Variants in LUZP2 observed in about 807,000 individuals in gnomAD.
LUZP2 encodes leucine zipper protein 2.
A neutral mutation model predicts 51.6 loss-of-function variants in LUZP2; 52 were observed. The observed-to-expected ratio is 1.01, with a 90% CI of 0.81 to 1.27. The LOEUF is 1.27. Ranked by LOEUF, LUZP2 falls within the 50% of genes most tolerant of loss-of-function variation. LUZP2 has a pLI of 0.00. For synonymous variants in LUZP2, 154 were observed against 137.3 expected (o/e 1.12, Z -0.85); for missense variants, 436 against 395.4 (o/e 1.10, Z -0.87).
intron 9 of LUZP2, among the ~76,000 whole-genome samples, chr11:24,992,727 T>C (rs1856385614): frequency 1.3e-5 from 2 of 152,144 alleles, no homozygotes; most frequent in Non-Finnish European, 2.9e-5. Flanking sequence ...TTATAATTCA[T>C]TTTGATGTAT....
At chr11:24,861,665 G>A (rs1051173139) in intron 5 of LUZP2, among the ~76,000 whole-genome samples, 3 of 152,182 alleles carry the variant, frequency 2.0e-5, no homozygotes, top group African/African-American at 7.2e-5. Context: ...GCCGAAGAAT[G>A]AGCAGTCCCA....
chr11:24,913,669 T>TTG (rs35901522), intron 6 of LUZP2, among the ~76,000 whole-genome samples: 26,455 of 148,386 alleles, frequency 0.18, 2,643 homozygotes, highest in East Asian at 0.42. Flanking sequence ...ATCTATTTAT[T>TTG]TGTGTGTGTG....
chr11:24,908,230 A>T (rs1853519173), intron 6 of LUZP2, among the ~76,000 whole-genome samples: 2 of 152,196 alleles, frequency 1.3e-5, no homozygotes, highest in Admixed American at 1.3e-4. Context: ...CCATTGTTTT[A>T]ATTTGCCAGA....
chr11:24,922,261 A>T (rs1772870248), intron 7 of LUZP2, among the ~76,000 whole-genome samples: 1 of 152,148 alleles, frequency 6.6e-6, no homozygotes, highest in Non-Finnish European at 1.5e-5. Context: ...GGCATGTGTC[A>T]TCATTGTTAT....
At chr11:24,698,759 C>A (rs2133904058) in intron 1 of LUZP2, among the ~76,000 whole-genome samples, 2 of 152,164 alleles carry the variant, frequency 1.3e-5, no homozygotes, top group South Asian at 4.1e-4. Flanking sequence ...ATCATCTCAT[C>A]CCTTCTTAAA....
chr11:24,927,077 G>A (rs1263577079), intron 7 of LUZP2, among the ~76,000 whole-genome samples: 1 of 150,260 alleles, frequency 6.7e-6, no homozygotes, highest in Non-Finnish European at 1.5e-5. Context: ...CATGTTCTTA[G>A]CCAAATTTTG....
At chr11:24,686,270 G>A (rs1856895101) in intron 1 of LUZP2, among the ~76,000 whole-genome samples, 1 of 151,754 alleles carries the variant, frequency 6.6e-6, no homozygotes, top group African/African-American at 2.4e-5. Flanking sequence ...ATTTGTAGTG[G>A]ATTGTGGCAG....
In LUZP2 at chr11:25,045,387, GA is replaced by G. The variant is rs778522513; in HGVS notation, c.766-4637del. ...ACAGAATAGGACGTAAAGAATAACT[GA>G]AAAAAAAAAAAAAGAAAGTTACACC... On this transcript the variant is annotated intron_variant, in intron 9 of 11. Coordinates refer to ENST00000336930, the MANE Select transcript of LUZP2 (RefSeq NM_001009909.4). 0.011 allele frequency among the ~76,000 whole-genome samples: 1,366 copies of G among 123,916 alleles called. 32 individuals carry two copies. The East Asian group carries it at 0.11, about 10-fold the overall frequency. 81.3% of individuals were successfully genotyped at this position (123,916 alleles called of 152,430 possible). A position where few individuals can be genotyped will look rare whatever the true frequency, so the allele number is the denominator to read the frequency against.
chr11:24,838,111 A>G (rs2896710), intron 5 of LUZP2, among the ~76,000 whole-genome samples: 142,970 of 151,508 alleles, frequency 0.94, 68,016 homozygotes, highest in East Asian at 1. Flanking sequence ...AGAAAGTTAA[A>G]TAATTTTCCC....
At chr11:24,979,023 CTT>C (rs1855953699) in intron 8 of LUZP2, among the ~76,000 whole-genome samples, 1 of 151,734 alleles carries the variant, frequency 6.6e-6, no homozygotes, top group Admixed American at 6.6e-5. Flanking sequence ...AATCATGACT[CTT>C]TGACTGAATG....
chr11:24,546,967 TGGTGGTGGTGG>T (rs1851568638), intron 1 of LUZP2, among the ~76,000 whole-genome samples: 37 of 5,016 alleles, frequency 7.4e-3, no homozygotes, highest in Admixed American at 0.023. Context: ...TTGTTGTTGG[TGGTGGTGGTGG>T]TGGTGGTGGT....
At chr11:24,827,150 A>G (rs1021777850) in intron 5 of LUZP2, among the ~76,000 whole-genome samples, 3 of 152,208 alleles carry the variant, frequency 2.0e-5, no homozygotes, top group African/African-American at 4.8e-5. Flanking sequence ...CCAATTTTAA[A>G]TCTATGCAGT....
intron 9 of LUZP2, among the ~76,000 whole-genome samples, chr11:24,994,809 T>C (rs1856447667): frequency 6.6e-6 from 1 of 152,180 alleles, no homozygotes; most frequent in Non-Finnish European, 1.5e-5. Flanking sequence ...GTGTATAAAA[T>C]ACAATTCTTA....
chr11:24,635,851 A>G (rs1045020370), intron 1 of LUZP2, among the ~76,000 whole-genome samples: 1 of 152,148 alleles, frequency 6.6e-6, no homozygotes, highest in African/African-American at 2.4e-5. Context: ...TACTTGAAAT[A>G]CAAGGCCTGC....
At chr11:25,041,905 C>T (rs1351190161) in intron 9 of LUZP2, among the ~76,000 whole-genome samples, 1 of 152,146 alleles carries the variant, frequency 6.6e-6, no homozygotes, top group Non-Finnish European at 1.5e-5. Context: ...GAGGGGAACC[C>T]CTATTGTGAA....
At chr11:24,856,389 T>G (rs1481915018) in intron 5 of LUZP2, among the ~76,000 whole-genome samples, 1 of 152,044 alleles carries the variant, frequency 6.6e-6, no homozygotes, top group Non-Finnish European at 1.5e-5. Context: ...TGAGATACCA[T>G]CTCATGCCAG....
chr11:24,953,743 T>C (rs1329734070), intron 7 of LUZP2, among the ~76,000 whole-genome samples: 1 of 152,042 alleles, frequency 6.6e-6, no homozygotes, highest in Non-Finnish European at 1.5e-5. Context: ...TACGTCAAAC[T>C]CATTCACTTG....
intron 1 of LUZP2, among the ~76,000 whole-genome samples, chr11:24,598,112 A>G (rs1403912563): frequency 2.0e-5 from 3 of 152,004 alleles, no homozygotes; most frequent in African/African-American, 7.2e-5. Context: ...AAAAAAAAAA[A>G]AAAAGAGAGA....
At chr11:24,535,916 T>A (rs1476135169) in intron 1 of LUZP2, among the ~76,000 whole-genome samples, 1 of 151,622 alleles carries the variant, frequency 6.6e-6, no homozygotes, top group East Asian at 1.9e-4. Flanking sequence ...TTTTTTTAAA[T>A]AATAAGACTC....
Sources: allele counts gnomAD v4.1 joint callset (sites outside exome capture counted in the v4.1 genomes callset), GRCh38; gene constraint gnomAD v4.1.1; transcripts MANE v1.5; gene names NCBI Gene and HGNC (gene_info 2026-07-23, HGNC 2026-07-21).